LY6S: variants seen among roughly 807,000 people sequenced by gnomAD.
LY6S encodes the protein lymphocyte antigen 6 family member S.
the LY6S span, chr8:143,047,985 T>A: frequency 6.6e-6 from 1 of 152,250 alleles, no homozygotes; most frequent in Non-Finnish European, 1.5e-5. Flanking sequence ...CTGTGCTGCA[T>A]CTCCTTGGCT....
chr8:143,050,021 A>AGTTGTGGGAGAAACGCCTGGTCCG, the LY6S span, among the ~76,000 whole-genome samples: 402 of 152,206 alleles, frequency 2.6e-3, 3 homozygotes, highest in African/African-American at 8.7e-3. Flanking sequence ...CACCTCGTCC[A>AGTTGTGGGAGAAACGCCTGGTCCG]GTTGTGGGAG....
chr8:143,057,495 G>GC, the LY6S span: 1 of 695,572 alleles, frequency 1.4e-6, no homozygotes, highest in Non-Finnish European at 2.6e-6. Context: ...TGATCCGCCC[G>GC]CCCCGGCCTC....
At chr8:143,046,374 G>A in the LY6S span, among the ~76,000 whole-genome samples, 2 of 151,748 alleles carry the variant, frequency 1.3e-5, no homozygotes, top group East Asian at 2.0e-4. Flanking sequence ...TCAGGAGATC[G>A]AGACCATCCT....
chr8:143,070,365 A>ATATATATATATAAATATATATATATT, the LY6S span, among the ~76,000 whole-genome samples: 13 of 124,254 alleles, frequency 1.0e-4, no homozygotes, highest in Middle Eastern at 4.0e-3. Context: ...TCTCCAGCTG[A>ATATATATATATAAATATATATATATT]TATATATATA....
At chr8:143,069,177 T>G in the LY6S span, among the ~76,000 whole-genome samples, 3 of 152,164 alleles carry the variant, frequency 2.0e-5, no homozygotes, top group Non-Finnish European at 4.4e-5. Flanking sequence ...AAAAAGTTAA[T>G]GGGAACCAGA....
the LY6S span, among the ~76,000 whole-genome samples, chr8:143,071,427 G>A: frequency 5.9e-4 from 90 of 152,272 alleles, no homozygotes; most frequent in Middle Eastern, 3.4e-3. Context: ...AAAACCCGCA[G>A]AATATACAAC....
the LY6S span, among the ~76,000 whole-genome samples, chr8:143,046,858 T>A: frequency 6.7e-6 from 1 of 149,422 alleles, no homozygotes. Context: ...AAAAATTAGC[T>A]GGCGTGGTGG....
the LY6S span, among the ~76,000 whole-genome samples, chr8:143,067,041 G>A: frequency 0.013 from 1,972 of 152,264 alleles, 45 homozygotes; most frequent in African/African-American, 0.045. Context: ...CCTCATGAAC[G>A]TGTTGGCGCC....
chr8:143,058,023 A>C, the LY6S span, among the ~76,000 whole-genome samples: 1 of 152,180 alleles, frequency 6.6e-6, no homozygotes, highest in African/African-American at 2.4e-5. Flanking sequence ...GAGAAGAAAG[A>C]AAGTGGAGGC....
chr8:143,044,309 G>A, the LY6S span: 43 of 448,732 alleles, frequency 9.6e-5, no homozygotes, highest in Middle Eastern at 1.3e-3. Flanking sequence ...AGCAGCTGGC[G>A]TTGGGAGGCT....
the LY6S span, among the ~76,000 whole-genome samples, chr8:143,052,817 A>G: frequency 2.0e-5 from 3 of 152,234 alleles, no homozygotes; most frequent in East Asian, 3.9e-4. Flanking sequence ...ATACTCTGTC[A>G]TCTATCGCGT....
At chr8:143,049,012 GC>G in the LY6S span, among the ~76,000 whole-genome samples, 11 of 152,200 alleles carry the variant, frequency 7.2e-5, no homozygotes, top group African/African-American at 1.7e-4. Context: ...CCAGCCAGCA[GC>G]GGGGGCCACC....
the LY6S span, chr8:143,049,238 C>T: frequency 1.9e-6 from 1 of 534,790 alleles, no homozygotes; most frequent in Non-Finnish European, 3.8e-6. Context: ...GAACCACCTT[C>T]TCTACTCTCA....
At chr8:143,044,711 C>T in the LY6S span, 1 of 1,367,654 alleles carries the variant, frequency 7.3e-7, no homozygotes, top group Non-Finnish European at 9.8e-7. Flanking sequence ...TTCTGGGAGA[C>T]ACAGACCCCA....
the LY6S span, among the ~76,000 whole-genome samples, chr8:143,062,567 G>A: frequency 2.0e-4 from 31 of 152,238 alleles, no homozygotes; most frequent in East Asian, 9.6e-4. Context: ...CCAGCTACTC[G>A]GGAAGCTAAG....
chr8:143,072,918 A>C, the LY6S span, among the ~76,000 whole-genome samples: 8 of 35,114 alleles, frequency 2.3e-4, no homozygotes, highest in South Asian at 1.2e-3. Context: ...GACAGCCGTC[A>C]TCCCCGGGGT....
the LY6S span, among the ~76,000 whole-genome samples, chr8:143,045,254 T>C: frequency 2.6e-5 from 4 of 151,964 alleles, no homozygotes; most frequent in Admixed American, 2.0e-4. This position sits in a 1 kb window ranked among gnomAD's most constrained non-coding sequence, Gnocchi z 5.3. Flanking sequence ...TGGAACAAAG[T>C]CCTCTAAAGG....
the LY6S span, among the ~76,000 whole-genome samples, chr8:143,045,098 G>A: frequency 3.3e-5 from 5 of 152,100 alleles, no homozygotes; most frequent in East Asian, 1.9e-4. This position sits in a 1 kb window ranked among gnomAD's most constrained non-coding sequence, Gnocchi z 5.3. Flanking sequence ...CAGCCAGCAC[G>A]CGCGGTAACA....
the LY6S span, among the ~76,000 whole-genome samples, chr8:143,045,183 C>A: frequency 1.3e-5 from 2 of 152,120 alleles, no homozygotes; most frequent in Non-Finnish European, 2.9e-5. The surrounding 1 kb of genome is among the most constrained non-coding windows in gnomAD (Gnocchi z 5.3). Flanking sequence ...CCAGCAGGCA[C>A]GCCTTCCGAG....
Sources: allele counts gnomAD v4.1 joint callset (sites outside exome capture counted in the v4.1 genomes callset), GRCh38; gene constraint gnomAD v4.1.1; non-coding constraint Gnocchi (gnomAD v3.1); transcripts MANE v1.5; gene names NCBI Gene and HGNC (gene_info 2026-07-23, HGNC 2026-07-21).